The following AFG1L variants were observed in gnomAD, a reference collection of about 807,000 sequenced individuals.
The protein encoded by AFG1L is AFG1-like ATPase.
A neutral mutation model predicts 62.2 loss-of-function variants in AFG1L; 53 were observed. The ratio of observed to expected loss-of-function variants is 0.85; its 90% CI spans 0.68 to 1.07. The LOEUF (loss-of-function observed/expected upper bound fraction) is 1.07. AFG1L is among the 50% of genes least tolerant of loss of function. The probability of loss-of-function intolerance (pLI) is 0.00; values close to 1 mark genes in which losing one functional copy is unlikely to be tolerated. For synonymous variants in AFG1L, 228 were observed against 210.3 expected (o/e 1.08, Z -0.73); for missense variants, 555 against 590.5 (o/e 0.94, Z 0.62).
intron 1 of AFG1L, among the ~76,000 whole-genome samples, chr6:108,316,385 A>AG (rs1777599687): frequency 6.9e-6 from 1 of 145,976 alleles, no homozygotes; most frequent in Non-Finnish European, 1.5e-5. Context: ...CGTCTCAAAA[A>AG]AAAAAAAAAA....
In AFG1L at chr6:108,506,315, C is replaced by T. The variant is rs117650141; in HGVS notation, c.1063-3897C>T. On this transcript the variant is annotated intron_variant, in intron 10 of 12. Coordinates refer to ENST00000368977, the MANE Select transcript of AFG1L (RefSeq NM_145315.5). ...CTCAGACTCCCAGGCTCAAACGATC[C>T]TCCTACCTCAGCCTCCTGAGTAGCT... 2.0e-5 allele frequency among the ~76,000 whole-genome samples: 3 copies of T among 152,276 alleles called. No homozygotes were observed. In the East Asian group the frequency reaches 5.8e-4, roughly 29 times the overall value.
At chr6:108,420,243 G>A (rs1247660243) in intron 7 of AFG1L, among the ~76,000 whole-genome samples, 2 of 151,934 alleles carry the variant, frequency 1.3e-5, no homozygotes, top group African/African-American at 4.8e-5. Flanking sequence ...AACAAAAGTA[G>A]CAGACAACTC....
intron 1 of AFG1L, among the ~76,000 whole-genome samples, chr6:108,311,482 C>A (rs1777407718): frequency 6.6e-6 from 1 of 152,036 alleles, no homozygotes; most frequent in Non-Finnish European, 1.5e-5. Context: ...TTTGTGTCTA[C>A]CTTTTGTTTT....
chr6:108,351,138 A>G (rs969132662), intron 3 of AFG1L, among the ~76,000 whole-genome samples: 1 of 152,184 alleles, frequency 6.6e-6, no homozygotes, highest in Non-Finnish European at 1.5e-5. Context: ...TGAATGAATC[A>G]GTGAGTGAGT....
intron 7 of AFG1L, among the ~76,000 whole-genome samples, chr6:108,422,489 A>AAAAAAAAAAAG (rs1770641628): frequency 1.4e-5 from 2 of 147,750 alleles, no homozygotes; most frequent in Admixed American, 6.7e-5. Context: ...AAAAAAAAAA[A>AAAAAAAAAAAG]AAAAAAAAAA....
At chr6:108,297,976 G>A (rs1369281288) in intron 1 of AFG1L, among the ~76,000 whole-genome samples, 1 of 151,604 alleles carries the variant, frequency 6.6e-6, no homozygotes, top group African/African-American at 2.4e-5. Flanking sequence ...AGCCCCTTCT[G>A]TGTTCTAGGC....
chr6:108,306,624 A>G (rs531179197), intron 1 of AFG1L, among the ~76,000 whole-genome samples: 15 of 152,252 alleles, frequency 9.9e-5, no homozygotes. Flanking sequence ...TCATTTTCCA[A>G]GCACTTCTTG....
At chr6:108,421,467 C>T (rs1383514384) in intron 7 of AFG1L, among the ~76,000 whole-genome samples, 5 of 152,028 alleles carry the variant, frequency 3.3e-5, no homozygotes, top group African/African-American at 4.8e-5. Context: ...GTGTATGAAT[C>T]GTTGTCTCTC....
chr6:108,316,164 G>T (rs900566325), intron 1 of AFG1L, among the ~76,000 whole-genome samples: 2 of 151,662 alleles, frequency 1.3e-5, no homozygotes, highest in African/African-American at 2.4e-5. Context: ...GGCGGATCAC[G>T]AGGTCAGGAG....
At chr6:108,501,977 CT>C (rs1322364604) in intron 10 of AFG1L, among the ~76,000 whole-genome samples, 4 of 152,174 alleles carry the variant, frequency 2.6e-5, no homozygotes, top group African/African-American at 7.2e-5. Flanking sequence ...CTATTTGAGC[CT>C]TCAGTGAGTT....
intron 6 of AFG1L, among the ~76,000 whole-genome samples, chr6:108,383,823 G>T (rs1451549267): frequency 6.6e-6 from 1 of 151,782 alleles, no homozygotes; most frequent in Non-Finnish European, 1.5e-5. Context: ...AAAGATGAAA[G>T]ATCAAAGAAA....
At chr6:108,470,161 T>C (rs1213066752) in intron 8 of AFG1L, among the ~76,000 whole-genome samples, 2 of 152,206 alleles carry the variant, frequency 1.3e-5, no homozygotes, top group African/African-American at 4.8e-5. Flanking sequence ...GCAATGCCAG[T>C]CATTCCTTCT....
chr6:108,421,199 A>G lies in AFG1L; in HGVS notation c.807+19145A>G, dbSNP rs77175949. 3.9e-5 allele frequency among the ~76,000 whole-genome samples: 6 copies of G among 152,176 alleles called. No individual in the cohort carries two copies. The East Asian group carries it at 7.7e-4, about 20-fold the overall frequency. On this transcript the variant is annotated intron_variant, in intron 7 of 12. Coordinates refer to ENST00000368977, the MANE Select transcript of AFG1L (RefSeq NM_145315.5). The stretch of plus-strand genomic sequence containing the variant: ...GGTGTTACTATGATTCCAACCATGA[A>G]GAGATGTGAGGAATTTGCCAAATTA...
In AFG1L at chr6:108,506,711, A is replaced by C. The variant is rs943614039; in HGVS notation, c.1063-3501A>C. ...TTTAATTATCTCCAGATTATTTATA[A>C]TACCTAGTACAATGTAAATGCTATG... On this transcript the variant is annotated intron_variant, in intron 10 of 12. Coordinates refer to ENST00000368977, the MANE Select transcript of AFG1L (RefSeq NM_145315.5). Among the ~76,000 whole-genome samples the C allele has an allele frequency of 2.0e-5, 3 of 152,210 alleles. No homozygotes were observed. In the South Asian group the frequency reaches 6.2e-4, roughly 32 times the overall value.
chr6:108,484,528 T>G (rs1752586287), intron 10 of AFG1L, among the ~76,000 whole-genome samples: 1 of 152,154 alleles, frequency 6.6e-6, no homozygotes, highest in Admixed American at 6.5e-5. Context: ...ATCTAACCGT[T>G]CAACCAACCC....
intron 10 of AFG1L, among the ~76,000 whole-genome samples, chr6:108,501,736 C>T (rs901858394): frequency 9.9e-5 from 15 of 152,132 alleles, no homozygotes; most frequent in Non-Finnish European, 1.5e-5. Context: ...AACTTGATCA[C>T]ACAGCCACAC....
At chr6:108,497,195 C>T (rs1003739351) in intron 10 of AFG1L, among the ~76,000 whole-genome samples, 8 of 152,136 alleles carry the variant, frequency 5.3e-5, no homozygotes, top group Non-Finnish European at 7.4e-5. Flanking sequence ...AACTGATTTG[C>T]TCTTCCAGCA....
chr6:108,380,467 G>T (rs552364207), intron 6 of AFG1L, among the ~76,000 whole-genome samples: 1 of 152,100 alleles, frequency 6.6e-6, no homozygotes, highest in Non-Finnish European at 1.5e-5. Context: ...TGCAAGTCTC[G>T]CCACCCAGGA....
chr6:108,440,688 C>T (rs1464250264), intron 7 of AFG1L, among the ~76,000 whole-genome samples: 7 of 151,738 alleles, frequency 4.6e-5, no homozygotes, highest in African/African-American at 1.2e-4. Flanking sequence ...GGCATGGTGG[C>T]GGGCACCTGC....
Sources: allele counts gnomAD v4.1 joint callset (sites outside exome capture counted in the v4.1 genomes callset), GRCh38; gene constraint gnomAD v4.1.1; transcripts MANE v1.5; gene names NCBI Gene and HGNC (gene_info 2026-07-23, HGNC 2026-07-21).